The following ATG2B variants were observed in gnomAD, a reference collection of about 807,000 sequenced individuals.
ATG2B encodes autophagy related 2B, also known as autophagy-related protein 2 homolog B.
A neutral mutation model predicts 241.3 loss-of-function variants in ATG2B; 121 were observed. That is an observed-to-expected ratio of 0.50 (90% CI 0.43 to 0.58). The LOEUF (loss-of-function observed/expected upper bound fraction) is 0.58, where lower values mean the gene tolerates loss of function less well. Among genes scored for constraint, ATG2B ranks in the 20% least tolerant of loss-of-function variants. The pLI, the probability that ATG2B is intolerant of heterozygous loss-of-function variation, is 0.00. For missense variants in ATG2B, 2,306 were observed against 2,491.6 expected (o/e 0.93, Z 1.59); for synonymous variants, 858 against 876.6 (o/e 0.98, Z 0.37).
chr14:96,293,813 T>C (rs1055232493), intron 36 of ATG2B, among the ~76,000 whole-genome samples: 1 of 152,176 alleles, frequency 6.6e-6, no homozygotes, highest in Non-Finnish European at 1.5e-5. Flanking sequence ...TTGTGTACTT[T>C]TTAAACGTAA....
At chr14:96,331,259 G>A (rs1027867522) in intron 11 of ATG2B, 117 bp downstream of exon 11, 4 of 988,334 alleles carry the variant, frequency 4.0e-6, no homozygotes, top group Middle Eastern at 2.4e-4. Flanking sequence ...AATAAAATGT[G>A]AATTAGAAAA....
At chr14:96,303,777 G>C (rs932017059) in intron 32 of ATG2B, among the ~76,000 whole-genome samples, 2 of 152,156 alleles carry the variant, frequency 1.3e-5, no homozygotes, top group Non-Finnish European at 2.9e-5. Context: ...ACCATACACA[G>C]AGAAGCTTGA....
chr14:96,316,119 T>G (rs1371951310), intron 21 of ATG2B, among the ~76,000 whole-genome samples: 1 of 152,206 alleles, frequency 6.6e-6, no homozygotes, highest in Non-Finnish European at 1.5e-5. Context: ...TATAAGAAAC[T>G]TCTGAATATG....
In ATG2B at chr14:96,288,090, T is replaced by C. The variant is rs536306265; in HGVS notation, c.6006+1566A>G. 8.5e-5 allele frequency among the ~76,000 whole-genome samples: 13 copies of C among 152,200 alleles called. No individual in the cohort carries two copies. The East Asian group carries it at 2.5e-3, about 29-fold the overall frequency. On this transcript the variant is annotated intron_variant, in intron 41 of 41. Coordinates refer to ENST00000359933, the MANE Select transcript of ATG2B (RefSeq NM_018036.7). Reference sequence around the variant, plus strand: ...TCCTACCATCTCAATCCACACTTACTAATCTCACCCTCCCTTCCCTCATTC... The same window carrying C: ...TCCTACCATCTCAATCCACACTTACCAATCTCACCCTCCCTTCCCTCATTC...
chr14:96,318,290 C>A (rs1393805834), intron 18 of ATG2B: 2 of 153,356 alleles, frequency 1.3e-5, no homozygotes, highest in Non-Finnish European at 2.9e-5. Flanking sequence ...ACTGACCCTC[C>A]CCTCAGTCCT....
chr14:96,329,300 C>G (rs1887668297), intron 12 of ATG2B, among the ~76,000 whole-genome samples, 184 bp downstream of exon 12: 1 of 152,114 alleles, frequency 6.6e-6, no homozygotes, highest in African/African-American at 2.4e-5. Context: ...CTAACAGATC[C>G]TTATAACGAT....
chr14:96,312,284 T>C (rs1412903375), intron 25 of ATG2B, 125 bp from the exon 26 acceptor site: 1 of 670,590 alleles, frequency 1.5e-6, no homozygotes, highest in Non-Finnish European at 2.6e-6. Flanking sequence ...ATAAGCAGTT[T>C]CTAACTTATA....
At chr14:96,333,614 G>A (rs1887796172) in intron 8 of ATG2B, 74 bp downstream of exon 8, 1 of 1,404,262 alleles carries the variant, frequency 7.1e-7, no homozygotes, top group Non-Finnish European at 9.7e-7. Flanking sequence ...TCTGTTCACA[G>A]CAGCCAAAAT....
At chr14:96,336,082 A>C (rs930096720) in intron 6 of ATG2B, among the ~76,000 whole-genome samples, 5 of 152,122 alleles carry the variant, frequency 3.3e-5, no homozygotes, top group African/African-American at 9.7e-5. Flanking sequence ...CATTCCTAAA[A>C]ACATAGGCTA....
rs1887024229 is a variant in ATG2B at position 96,308,242 on chromosome 14, AT to A, written c.4303+1210del. Among the ~76,000 whole-genome samples the A allele has an allele frequency of 5.1e-4, 7 of 13,676 alleles. 1 individual carries two copies. The South Asian group carries it at 6.0e-3, about 12-fold the overall frequency. The allele number at this position is 13,676 out of a possible 152,430, so 9.0% of individuals were successfully genotyped here. A position where few individuals can be genotyped will look rare whatever the true frequency, so the allele number is the denominator to read the frequency against. On this transcript the variant is annotated intron_variant, in intron 29 of 41. Transcript: ENST00000359933. ...TAAATATATATATACATATATATAT[AT>A]ATATATATACACACATATATATATA...
At chr14:96,344,424 T>G (rs1174282885) in intron 4 of ATG2B, among the ~76,000 whole-genome samples, 2 of 152,204 alleles carry the variant, frequency 1.3e-5, no homozygotes, top group South Asian at 4.1e-4. Context: ...ACAGAATAAC[T>G]TGCTTTAAAT....
intron 1 of ATG2B, among the ~76,000 whole-genome samples, chr14:96,359,383 AAAAAT>A (rs1888565202): frequency 6.6e-6 from 1 of 152,116 alleles, no homozygotes; most frequent in African/African-American, 2.4e-5. Flanking sequence ...GTCTCAAAAA[AAAAAT>A]AAAATAAAAG....
In ATG2B at chr14:96,315,196, G is replaced by A. The variant is rs755422836; in HGVS notation, c.3600C>T (p.Leu1200=). The change falls in exon 23 of 42, where the codon CTC becomes CTT. Residue 1200 remains leucine, a synonymous_variant. Coordinates refer to ENST00000359933, the MANE Select transcript of ATG2B (RefSeq NM_018036.7). ...LIAVGLKGAT[L]QHRMLPSGLS... ...GCCCAGAAGGAAGCATTCTATGCTGGAGAGTGGCTCCTTTCAGTCCTACGG... is the reference window on the plus strand; with the variant it reads ...GCCCAGAAGGAAGCATTCTATGCTGAAGAGTGGCTCCTTTCAGTCCTACGG... 1 of 1,614,144 alleles carries A rather than the reference G, an allele frequency of 6.2e-7. No individual in the cohort carries two copies. The highest frequency in any genetic ancestry group is 1.1e-5 in the South Asian group (1 of 91,088).
intron 1 of ATG2B, among the ~76,000 whole-genome samples, chr14:96,347,550 C>T (rs547747940): frequency 6.6e-6 from 1 of 152,252 alleles, no homozygotes; most frequent in East Asian, 1.9e-4. Context: ...GGATAACCCG[C>T]AGAATGGCAG....
At position 96,280,877 on chromosome 14, in the gene ATG2B, C is replaced by A. The variant is rs867332409; in HGVS notation, c.*4878G>T. On this transcript the variant is annotated 3_prime_UTR_variant, in exon 42 of 42. Coordinates refer to ENST00000359933, the MANE Select transcript of ATG2B (RefSeq NM_018036.7). The stretch of plus-strand genomic sequence containing the variant: ...AGCCTGGGCAACAAGAGCAAAGCTC[C>A]GTCTGAAAAAATAAATAAATAAAAT... The A allele has an allele frequency of 6.6e-6, 1 of 151,946 alleles. No homozygotes were observed. The highest frequency in any genetic ancestry group is 1.5e-5 in the Non-Finnish European group (1 of 67,998). 9.4% of individuals were successfully genotyped at this position (151,946 alleles called of 1,614,324 possible). A position where few individuals can be genotyped will look rare whatever the true frequency, so the allele number is the denominator to read the frequency against.
At chr14:96,362,214 T>A (rs151226110) in intron 1 of ATG2B, among the ~76,000 whole-genome samples, 1 of 152,108 alleles carries the variant, frequency 6.6e-6, no homozygotes, top group Admixed American at 6.6e-5. Flanking sequence ...ACAGCACTAC[T>A]AGGGCCAGAC....
intron 37 of ATG2B, 43 bp from the exon 38 acceptor site, chr14:96,291,725 A>G (rs1272111318): frequency 7.4e-7 from 1 of 1,350,378 alleles, no homozygotes; most frequent in Non-Finnish European, 1.1e-6. Flanking sequence ...CTGTAAATTA[A>G]GAGACTCAAC....
Position 96,295,524 on chromosome 14 carries a change from G to C in ATG2B, c.5176C>G (p.Leu1726Val), listed in dbSNP as rs1227583633. 2.5e-6 allele frequency: 4 copies of C among 1,606,480 alleles called. No homozygotes were observed. The highest frequency in any genetic ancestry group is 3.4e-6 in the Non-Finnish European group (4 of 1,177,220). ...LFFLKDFFTS[L>V]SAEVELQMTP... The stretch of plus-strand genomic sequence containing the variant: ...ATTTGAAGCTCTACTTCTGCAGAAA[G>C]ACTTGTGAAGAAATCCTTCAGGAAG... The change falls in exon 35 of 42, where the codon CTT becomes GTT. Residue 1726 changes from leucine to valine, a missense_variant. Around this residue, in one of 2 missense-constraint regions of ATG2B, gnomAD observed 379 missense variants for 480.4 expected, o/e 0.79. Coordinates refer to ENST00000359933, the MANE Select transcript of ATG2B (RefSeq NM_018036.7).
intron 21 of ATG2B, 120 bp from the exon 22 acceptor site, chr14:96,315,703 T>A (rs142869046): frequency 1.4e-6 from 1 of 728,462 alleles, no homozygotes; most frequent in Admixed American, 2.7e-5. Flanking sequence ...TAAGGAGGCA[T>A]GATGACAAAA....
Sources: gnomAD v4.1 joint callset for allele counts (sites outside exome capture counted in the v4.1 genomes callset) on GRCh38, gnomAD v4.1.1 for gene constraint, gnomAD v4.1.1 regional missense constraint, MANE v1.5 for transcripts, NCBI Gene and HGNC (gene_info 2026-07-23, HGNC 2026-07-21) for gene names.